The following ZNF343 variants were observed in gnomAD, a reference collection of about 807,000 sequenced individuals.
ZNF343 encodes zinc finger protein 343.
ZNF343 carries 11 observed loss-of-function variants against 13.8 expected under a neutral mutation model. That is an observed-to-expected ratio of 0.80 (90% CI 0.50 to 1.32). ZNF343 has a LOEUF of 1.32. Among genes scored for constraint, ZNF343 ranks in the 40% most tolerant of loss-of-function variants. The probability of loss-of-function intolerance (pLI) is 0.00; values close to 1 mark genes in which losing one functional copy is unlikely to be tolerated. For missense variants in ZNF343, 658 were observed against 714.2 expected (o/e 0.92, Z 0.90); for synonymous variants, 248 against 260.0 (o/e 0.95, Z 0.44).
chr20:2,487,426 T>C (rs1339202999), intron 5 of ZNF343, among the ~76,000 whole-genome samples: 2 of 152,196 alleles, frequency 1.3e-5, no homozygotes, highest in African/African-American at 4.8e-5. Flanking sequence ...GAAACAGATA[T>C]GCATATGCTC....
At position 2,508,107 on chromosome 20, in the gene ZNF343, G is replaced by T. The variant is rs6083505; in HGVS notation, c.-237+774C>A. ...TTGAGACAACAGGTCCCAGAGAAAA[G>T]ACCTGCCCCCATTCAAAAGAGCTGC... On this transcript the variant is annotated intron_variant, in intron 1 of 5. Transcript: ENST00000278772. The surrounding 1 kb of genome is among the most constrained non-coding windows in gnomAD (Gnocchi z 4.5). 6.6e-6 allele frequency among the ~76,000 whole-genome samples: 1 copy of T among 151,594 alleles called. No individual in the cohort carries two copies. Among genetic ancestry groups the T allele is most frequent in the Non-Finnish European group, 1.5e-5 (1 of 67,942 alleles).
At chr20:2,516,112 C>T (rs2085758137) in intron 1 of ZNF343, among the ~76,000 whole-genome samples, 1 of 151,708 alleles carries the variant, frequency 6.6e-6, no homozygotes, top group Admixed American at 6.6e-5. Context: ...GGGTGATGAT[C>T]AAGGTTGGGG....
At chr20:2,490,811 A>G (rs934285921) in intron 5 of ZNF343, among the ~76,000 whole-genome samples, 1 of 152,224 alleles carries the variant, frequency 6.6e-6, no homozygotes, top group Non-Finnish European at 1.5e-5. Context: ...TAGTTGGACT[A>G]ACCAGCTAAG....
intron 2 of ZNF343, among the ~76,000 whole-genome samples, chr20:2,495,945 G>A (rs1026877825): frequency 2.2e-4 from 34 of 152,242 alleles, no homozygotes; most frequent in African/African-American, 6.0e-4. Context: ...CTCCCAACGC[G>A]CTGGGATTAC....
At chr20:2,506,197 C>T (rs2085653258) in intron 1 of ZNF343, among the ~76,000 whole-genome samples, 1 of 152,122 alleles carries the variant, frequency 6.6e-6, no homozygotes, top group African/African-American at 2.4e-5. Flanking sequence ...GGAAAAAATG[C>T]CCATCATCAC....
Position 2,518,555 on chromosome 20 carries a change from A to T in ZNF343, c.-347+5900T>A, listed in dbSNP as rs1166609374. ...CACAAGTGCCAGACTCTAACTTCTG[A>T]TTTCTAAATAGCTACCCCTCCGGTT... On this transcript the variant is annotated intron_variant, in intron 1 of 6. Coordinates refer to the ZNF343 transcript ENST00000358413. The surrounding 1 kb of genome is among the most constrained non-coding windows in gnomAD (Gnocchi z 4.6). 6.6e-6 allele frequency among the ~76,000 whole-genome samples: 1 copy of T among 152,118 alleles called. No individual in the cohort carries two copies. Among genetic ancestry groups the T allele is most frequent in the East Asian group, 1.9e-4 (1 of 5,190 alleles).
chr20:2,506,369 T>A (rs529295213), intron 1 of ZNF343, among the ~76,000 whole-genome samples: 17 of 152,180 alleles, frequency 1.1e-4, no homozygotes, highest in African/African-American at 3.9e-4. Flanking sequence ...AGTTCAACCA[T>A]TGTAGAAGTC....
rs528953591 is a variant in ZNF343, at chr20:2,508,611, G to C, written c.-237+270C>G. Among the ~76,000 whole-genome samples, 3 of 152,272 alleles carry C rather than the reference G, an allele frequency of 2.0e-5. No homozygotes were observed. The highest frequency in any genetic ancestry group is 7.2e-5 in the African/African-American group (3 of 41,566). On this transcript the variant is annotated intron_variant, in intron 1 of 5. Transcript: ENST00000278772. This position sits in a 1 kb window ranked among gnomAD's most constrained non-coding sequence, Gnocchi z 4.5. ...CCCAGAATAATCCCGCCTGGTTCAAGACAGGCATTAGAGTTCTAGGTCACT... is the reference window on the plus strand; with the variant it reads ...CCCAGAATAATCCCGCCTGGTTCAACACAGGCATTAGAGTTCTAGGTCACT...
At chr20:2,488,295 G>A (rs545303397) in intron 5 of ZNF343, among the ~76,000 whole-genome samples, 10 of 151,660 alleles carry the variant, frequency 6.6e-5, no homozygotes, top group African/African-American at 2.2e-4. Context: ...GATTTTTCTT[G>A]TGTATGGTGT....
intron 3 of ZNF343, 58 bp from the exon 4 acceptor site, chr20:2,493,635 C>A: frequency 1.0e-6 from 1 of 992,998 alleles, no homozygotes; most frequent in Non-Finnish European, 1.4e-6. Context: ...CACCCCCCAC[C>A]ATGACGCTCC....
At chr20:2,495,823 G>C (rs1455906162) in intron 2 of ZNF343, among the ~76,000 whole-genome samples, 1 of 152,086 alleles carries the variant, frequency 6.6e-6, no homozygotes, top group African/African-American at 2.4e-5. Flanking sequence ...TGGGATTACA[G>C]GCACCTGCCA....
chr20:2,520,521 C>A (rs1266633694), intron 1 of ZNF343, among the ~76,000 whole-genome samples: 1 of 152,170 alleles, frequency 6.6e-6, no homozygotes, highest in East Asian at 1.9e-4. Flanking sequence ...TGCCTAGCTA[C>A]ATTTTAATTA....
At chr20:2,504,059 G>A (rs201664353) in intron 1 of ZNF343, among the ~76,000 whole-genome samples, 8 of 151,836 alleles carry the variant, frequency 5.3e-5, no homozygotes, top group Admixed American at 2.6e-4. Flanking sequence ...TTGATAGACC[G>A]CTAGCAAGAC....
intron 1 of ZNF343, among the ~76,000 whole-genome samples, chr20:2,523,949 A>C (rs1600085962): frequency 7.1e-6 from 1 of 140,560 alleles, no homozygotes. Flanking sequence ...GTGCCACTGC[A>C]CTCCAGCCTG....
At chr20:2,511,819 A>G (rs2085740433), upstream of ZNF343, among the ~76,000 whole-genome samples, 2 of 152,224 alleles carry the variant, frequency 1.3e-5, no homozygotes, top group Non-Finnish European at 1.5e-5. Context: ...ATCATACTCA[A>G]TGGTGAAAAC....
Position 2,484,139 on chromosome 20 carries a change from A to G in ZNF343, c.822T>C (p.Cys274=). 1.2e-6 allele frequency: 2 copies of G among 1,614,246 alleles called. No individual in the cohort carries two copies. The highest frequency in any genetic ancestry group is 1.6e-4 in the Middle Eastern group (1 of 6,062). Residue 274 remains cysteine (C), a synonymous_variant, in exon 6 of 6, where the codon TGT becomes TGC. Coordinates refer to ENST00000278772, the MANE Select transcript of ZNF343 (RefSeq NM_024325.6). ...TTGATCTATCTTTAAAGCTTCGCCCACAATCACTGCAAATGTAGGGCTTCT... is the reference window on the plus strand; with the variant it reads ...TTGATCTATCTTTAAAGCTTCGCCCGCAATCACTGCAAATGTAGGGCTTCT... ...LGKKPYICSD[C]GRSFKDRSTL...
At chr20:2,519,343 C>T (rs2085773121) in intron 1 of ZNF343, among the ~76,000 whole-genome samples, 1 of 152,200 alleles carries the variant, frequency 6.6e-6, no homozygotes. Flanking sequence ...CCAGCTCACT[C>T]TCACACTCAC....
At chr20:2,485,439 G>A (rs573174229) in intron 5 of ZNF343, among the ~76,000 whole-genome samples, 16 of 152,310 alleles carry the variant, frequency 1.1e-4, no homozygotes, top group African/African-American at 3.6e-4. Context: ...AAATGACCAC[G>A]TACTTGGCCC....
intron 1 of ZNF343, among the ~76,000 whole-genome samples, chr20:2,503,820 G>A (rs1328554348): frequency 6.6e-6 from 1 of 151,864 alleles, no homozygotes; most frequent in East Asian, 1.9e-4. Flanking sequence ...GTGTGTAGAG[G>A]GAAATTTATA....
Sources: gnomAD v4.1 joint callset for allele counts (sites outside exome capture counted in the v4.1 genomes callset) on GRCh38, gnomAD v4.1.1 for gene constraint, Gnocchi (gnomAD v3.1) non-coding constraint, MANE v1.5 for transcripts, NCBI Gene and HGNC (gene_info 2026-07-23, HGNC 2026-07-21) for gene names.